ERBB4: variants seen among roughly 807,000 people sequenced by gnomAD.
ERBB4 encodes erb-b2 receptor tyrosine kinase 4.
In ERBB4, 42 loss-of-function variants were observed where a neutral mutation model predicts 158.0. That is an observed-to-expected ratio of 0.27 (90% CI 0.21 to 0.34). The LOEUF (loss-of-function observed/expected upper bound fraction) is 0.34. Among genes scored for constraint, ERBB4 ranks in the 10% least tolerant of loss-of-function variants. The pLI is 1.00. For missense variants in ERBB4, 1,333 were observed against 1,624.1 expected (o/e 0.82, Z 3.08); for synonymous variants, 583 against 558.7 (o/e 1.04, Z -0.61).
chr2:212,033,171 T>G (rs1159816059), intron 2 of ERBB4, among the ~76,000 whole-genome samples: 1 of 151,962 alleles, frequency 6.6e-6, no homozygotes, highest in African/African-American at 2.4e-5. Context: ...TATAATAATG[T>G]TAGAGACTGA....
intron 2 of ERBB4, among the ~76,000 whole-genome samples, chr2:212,061,935 A>G (rs543766009): frequency 4.6e-5 from 7 of 151,582 alleles, no homozygotes; most frequent in African/African-American, 1.7e-4. Context: ...GGGTTTCTCC[A>G]TGTTGGTCAG....
chr2:212,130,764 T>C (rs2080085953), intron 1 of ERBB4, among the ~76,000 whole-genome samples: 1 of 152,168 alleles, frequency 6.6e-6, no homozygotes, highest in African/African-American at 2.4e-5. Context: ...AAATAATTAC[T>C]GAGAAAAATT....
chr2:211,410,719 C>A (rs1485245736), intron 25 of ERBB4, among the ~76,000 whole-genome samples: 2 of 151,978 alleles, frequency 1.3e-5, no homozygotes, highest in African/African-American at 2.4e-5. Context: ...GAAAATAGTT[C>A]AATTTTGTTT....
intron 3 of ERBB4, among the ~76,000 whole-genome samples, chr2:211,845,280 C>T (rs1402028854): frequency 6.6e-6 from 1 of 151,508 alleles, no homozygotes. Flanking sequence ...AGAAAAGTGC[C>T]ACATCAGAAT....
chr2:211,507,816 C>A (rs1316977769), intron 20 of ERBB4, among the ~76,000 whole-genome samples: 2 of 152,078 alleles, frequency 1.3e-5, no homozygotes, highest in Non-Finnish European at 2.9e-5. Flanking sequence ...ATAGAGACCT[C>A]ATAAATAACA....
chr2:212,358,323 G>A (rs2089544206), intron 1 of ERBB4, among the ~76,000 whole-genome samples: 1 of 151,278 alleles, frequency 6.6e-6, no homozygotes, highest in Admixed American at 6.6e-5. Flanking sequence ...ACAGCAAGCA[G>A]CATTTTGTAC....
At chr2:212,094,589 C>T (rs193000957) in intron 2 of ERBB4, among the ~76,000 whole-genome samples, 3 of 151,774 alleles carry the variant, frequency 2.0e-5, no homozygotes, top group African/African-American at 7.2e-5. Flanking sequence ...AAAAAAAGAA[C>T]CTGGCACCTC....
intron 20 of ERBB4, among the ~76,000 whole-genome samples, chr2:211,558,765 A>AG (rs2067305902): frequency 6.6e-6 from 1 of 151,910 alleles, no homozygotes; most frequent in East Asian, 1.9e-4. Context: ...CTCCCGAAGT[A>AG]GAAAAAAAAA....
chr2:212,373,567 A>G (rs2090157207), intron 1 of ERBB4, among the ~76,000 whole-genome samples: 1 of 151,620 alleles, frequency 6.6e-6, no homozygotes, highest in Admixed American at 6.6e-5. Context: ...AAGTACTAAG[A>G]ATAATGTAGC....
intron 1 of ERBB4, among the ~76,000 whole-genome samples, chr2:212,424,307 C>G (rs1294603305): frequency 2.6e-5 from 4 of 152,034 alleles, no homozygotes; most frequent in Admixed American, 2.6e-4. Flanking sequence ...GGTACTGTGT[C>G]TGGACCTTAC....
intron 25 of ERBB4, among the ~76,000 whole-genome samples, chr2:211,395,249 G>C (rs558051548): frequency 1.1e-4 from 16 of 152,150 alleles, no homozygotes; most frequent in African/African-American, 2.9e-4. Context: ...ACCACATTTG[G>C]ATGATGACTC....
intron 1 of ERBB4, among the ~76,000 whole-genome samples, chr2:212,507,534 T>C (rs1691260646): frequency 6.6e-6 from 1 of 152,114 alleles, no homozygotes; most frequent in Non-Finnish European, 1.5e-5. Context: ...TTGGCGAAGG[T>C]TAAAATATCA....
At chr2:212,092,412 A>T (rs939000240) in intron 2 of ERBB4, among the ~76,000 whole-genome samples, 1 of 152,108 alleles carries the variant, frequency 6.6e-6, no homozygotes, top group Admixed American at 6.6e-5. Context: ...CAGTGTTTTT[A>T]TTTTTAGAGT....
chr2:212,277,831 C>A (rs753099716), intron 1 of ERBB4, among the ~76,000 whole-genome samples: 8 of 151,514 alleles, frequency 5.3e-5, no homozygotes, highest in Non-Finnish European at 8.9e-5. Flanking sequence ...AGAAGGGGTG[C>A]TTATTAAATA....
At chr2:211,794,158 T>A (rs1249656624) in intron 3 of ERBB4, among the ~76,000 whole-genome samples, 1 of 151,958 alleles carries the variant, frequency 6.6e-6, no homozygotes, top group East Asian at 1.9e-4. Context: ...TGAAGCTCAG[T>A]AATGCTTGTT....
chr2:212,016,719 G>A (rs17415329), intron 2 of ERBB4, among the ~76,000 whole-genome samples: 12,239 of 152,002 alleles, frequency 0.081, 690 homozygotes, highest in Non-Finnish European at 0.12. Context: ...TTTTTACATA[G>A]TGGTGTTACC....
intron 3 of ERBB4, among the ~76,000 whole-genome samples, chr2:211,897,953 G>A (rs2079142723): frequency 6.6e-6 from 1 of 151,782 alleles, no homozygotes; most frequent in African/African-American, 2.4e-5. Context: ...TTATAGAGAA[G>A]GGGTCTCACT....
intron 19 of ERBB4, among the ~76,000 whole-genome samples, chr2:211,615,230 T>G (rs2069341378): frequency 6.6e-6 from 1 of 151,976 alleles, no homozygotes; most frequent in South Asian, 2.1e-4. Flanking sequence ...TCAGAAAAAG[T>G]GAATAGTCTG....
chr2:211,698,173 G>A lies in ERBB4; in HGVS notation c.1489+3794C>T, dbSNP rs1009117741. On this transcript the variant is annotated intron_variant, in intron 12 of 27. Coordinates refer to ENST00000342788, the MANE Select transcript of ERBB4 (RefSeq NM_005235.3). ...CTCTACTAAAAATACAAAATTAGGC[G>A]TGGTGGCGCCTGCCTGTAATCTCAG... Among the ~76,000 whole-genome samples the A allele has an allele frequency of 5.3e-5, 8 of 151,804 alleles. No homozygotes were observed. The East Asian group carries it at 7.7e-4, about 15-fold the overall frequency.
Sources: allele counts gnomAD v4.1 joint callset (sites outside exome capture counted in the v4.1 genomes callset), GRCh38; gene constraint gnomAD v4.1.1; transcripts MANE v1.5; gene names NCBI Gene and HGNC (gene_info 2026-07-23, HGNC 2026-07-21).